DYSF: variants seen among roughly 807,000 people sequenced by gnomAD.
DYSF encodes the protein dystrophy-associated fer-1-like 1.
A neutral mutation model predicts 274.9 loss-of-function variants in DYSF; 212 were observed. The ratio of observed to expected loss-of-function variants is 0.77; its 90% confidence interval spans 0.69 to 0.86. DYSF has a LOEUF of 0.86. DYSF is among the 40% of genes least tolerant of loss of function. The pLI, the probability that DYSF is intolerant of heterozygous loss-of-function variation, is 0.00. For synonymous variants in DYSF, 1,091 were observed against 1,078.7 expected (o/e 1.01, Z -0.22); for missense variants, 2,666 against 2,783.2 (o/e 0.96, Z 0.95).
intron 45 of DYSF, among the ~76,000 whole-genome samples, chr2:71,663,478 G>C (rs991711635): frequency 4.6e-5 from 7 of 152,200 alleles, no homozygotes; most frequent in Admixed American, 4.6e-4. Flanking sequence ...GGAAGTCCTT[G>C]TGTTCCTTGC....
intron 30 of DYSF, among the ~76,000 whole-genome samples, chr2:71,589,153 C>T (rs913434688): frequency 1.3e-5 from 2 of 152,164 alleles, no homozygotes; most frequent in Non-Finnish European, 1.5e-5. Flanking sequence ...GCAGCTTCCT[C>T]CAGAGCTTGG....
At chr2:71,476,268 C>A (rs2082384675) in intron 1 of DYSF, among the ~76,000 whole-genome samples, 1 of 152,136 alleles carries the variant, frequency 6.6e-6, no homozygotes, top group Non-Finnish European at 1.5e-5. Context: ...GAGGCCTTGG[C>A]AGGCTGGGTG....
chr2:71,628,282 A>G (rs1471016947), intron 41 of DYSF, among the ~76,000 whole-genome samples: 1 of 152,184 alleles, frequency 6.6e-6, no homozygotes, highest in Non-Finnish European at 1.5e-5. Context: ...AGGAACTTAG[A>G]CTGCTTTAAC....
chr2:71,553,752 A>AAAACAACCC, intron 20 of DYSF, 55 bp from the exon 21 acceptor site: 1 of 267,804 alleles, frequency 3.7e-6, no homozygotes, highest in Non-Finnish European at 6.7e-6. Flanking sequence ...TTAGCACCCC[A>AAAACAACCC]TCCCACCCGC....
chr2:71,640,032 C>T (rs983020567), intron 41 of DYSF, among the ~76,000 whole-genome samples: 1 of 152,210 alleles, frequency 6.6e-6, no homozygotes, highest in Non-Finnish European at 1.5e-5. Context: ...ATTATTTTTC[C>T]ATTACAGATA....
At chr2:71,573,262 A>G (rs945972388) in intron 29 of DYSF, among the ~76,000 whole-genome samples, 1 of 152,100 alleles carries the variant, frequency 6.6e-6, no homozygotes, top group Non-Finnish European at 1.5e-5. Context: ...GACAGATTCA[A>G]CTTTCTCCCT....
intron 26 of DYSF, 84 bp downstream of exon 26, chr2:71,568,422 G>T: frequency 1.3e-6 from 2 of 1,556,848 alleles, no homozygotes; most frequent in Non-Finnish European, 1.7e-6. Context: ...GGCAGGCTGG[G>T]GTCTGTTGAT....
chr2:71,551,007 G>A (rs1371242808), intron 17 of DYSF, 34 bp from the exon 18 acceptor site: 1 of 1,602,256 alleles, frequency 6.2e-7, no homozygotes, highest in Non-Finnish European at 8.6e-7. Flanking sequence ...GCCCCACTGG[G>A]CCGACCCCTC....
intron 52 of DYSF, among the ~76,000 whole-genome samples, chr2:71,675,389 A>T (rs2095203083): frequency 6.6e-6 from 1 of 152,178 alleles, no homozygotes; most frequent in Admixed American, 6.5e-5. Context: ...TGGTTTCTAG[A>T]TCCATTCTGC....
chr2:71,486,581 G>T (rs1202670202), intron 3 of DYSF, among the ~76,000 whole-genome samples: 2 of 152,094 alleles, frequency 1.3e-5, no homozygotes, highest in African/African-American at 2.4e-5. Context: ...TGGTCTGCTG[G>T]CCCAGAGTGG....
At chr2:71,651,303 A>G (rs1461825080) in intron 42 of DYSF, among the ~76,000 whole-genome samples, 1 of 152,208 alleles carries the variant, frequency 6.6e-6, no homozygotes, top group Non-Finnish European at 1.5e-5. Flanking sequence ...CAGCTAGTCT[A>G]CTTTAGAGAA....
chr2:71,468,736 G>A (rs769859991), intron 1 of DYSF, among the ~76,000 whole-genome samples: 33 of 152,306 alleles, frequency 2.2e-4, no homozygotes, highest in Middle Eastern at 3.4e-3. Flanking sequence ...GCTCTCAAGA[G>A]TCTCTCCTCT....
At chr2:71,560,576 A>G (rs1021561154) in intron 22 of DYSF, among the ~76,000 whole-genome samples, 3 of 152,032 alleles carry the variant, frequency 2.0e-5, no homozygotes, top group African/African-American at 7.2e-5. Context: ...CCCGAGATGG[A>G]GTTTGCGTAC....
intron 41 of DYSF, among the ~76,000 whole-genome samples, chr2:71,622,130 G>GTGTTTTTTTTTTTTTT (rs775688599): frequency 1.0e-5 from 1 of 97,004 alleles, no homozygotes; most frequent in African/African-American, 3.9e-5. Flanking sequence ...TGATTTCTTT[G>GTGTTTTTTTTTTTTTT]TTTTTTTTTT....
chr2:71,605,008 CTTGGTCAGGAAGTGAGGCTG>C (rs1166875000), intron 36 of DYSF, among the ~76,000 whole-genome samples: 6 of 152,188 alleles, frequency 3.9e-5, no homozygotes, highest in African/African-American at 1.2e-4. Flanking sequence ...CTCTGCAGCT[CTTGGTCAGGAAGTGAGGCTG>C]TTGCATGGTG....
chr2:71,659,556 T>C (rs1380005348), intron 44 of DYSF, among the ~76,000 whole-genome samples: 1 of 152,246 alleles, frequency 6.6e-6, no homozygotes, highest in East Asian at 1.9e-4. Context: ...ACCCGGTCTT[T>C]ATTTAAAATT....
At chr2:71,621,445 T>G (rs563505893) in intron 41 of DYSF, among the ~76,000 whole-genome samples, 1 of 152,072 alleles carries the variant, frequency 6.6e-6, no homozygotes, top group Non-Finnish European at 1.5e-5. Context: ...TAAAACCACT[T>G]TTATTCCTAC....
At chr2:71,648,614 T>C (rs2094604854) in intron 42 of DYSF, among the ~76,000 whole-genome samples, 1 of 152,102 alleles carries the variant, frequency 6.6e-6, no homozygotes, top group Non-Finnish European at 1.5e-5. Flanking sequence ...TGAACATACA[T>C]ATTGAAAAAG....
At position 71,516,991 on chromosome 2, in the gene DYSF, G is replaced by T. The variant is rs753987509; in HGVS notation, c.954G>T (p.Val318=). Reference sequence around the variant, plus strand: ...GTTTCCATGATCTTTCTCTGCAGGTGGTAGACTCTCGTTCTCTCAGGACAG... The same window carrying T: ...GTTTCCATGATCTTTCTCTGCAGGTTGTAGACTCTCGTTCTCTCAGGACAG... ...ELFDEPIFIT[V]VDSRSLRTDA... Residue 318 remains valine, a splice_region_variant and synonymous_variant, in exon 10 of 56, where the codon GTG becomes GTT. Coordinates refer to ENST00000410020, the MANE Select transcript of DYSF (RefSeq NM_001130987.2). 1.2e-5 allele frequency: 19 copies of T among 1,614,136 alleles called. No individual in the cohort carries two copies. The highest frequency in any genetic ancestry group is 1.6e-5 in the Non-Finnish European group (19 of 1,179,996).
Sources: gnomAD v4.1 joint callset for allele counts (sites outside exome capture counted in the v4.1 genomes callset) on GRCh38, gnomAD v4.1.1 for gene constraint, MANE v1.5 for transcripts, NCBI Gene and HGNC (gene_info 2026-07-23, HGNC 2026-07-21) for gene names.